The following ECPAS variants were observed in gnomAD, a reference collection of about 807,000 sequenced individuals.
ECPAS encodes proteasome adapter and scaffold protein ECM29.
In ECPAS, 70 loss-of-function variants were observed where a neutral mutation model predicts 255.1. The observed-to-expected ratio is 0.27, with a 90% CI of 0.23 to 0.33. The LOEUF (loss-of-function observed/expected upper bound fraction) is 0.33. ECPAS is among the 10% of genes least tolerant of loss of function. ECPAS has a pLI of 1.00. For synonymous variants in ECPAS, 784 were observed against 775.0 expected, an observed-to-expected ratio of 1.01 and a Z score of -0.19; for missense variants, 1,817 against 2,206.4, an observed-to-expected ratio of 0.82 and a Z score of 3.54.
At chr9:111,484,052 C>G (rs965291659) in intron 1 of ECPAS, 64 bp downstream of exon 1, 6 of 1,104,222 alleles carry the variant, frequency 5.4e-6, no homozygotes, top group Non-Finnish European at 6.6e-6. Flanking sequence ...GCGGGCGGCC[C>G]GGCCTAACCG....
intron 37 of ECPAS, 63 bp downstream of exon 37, chr9:111,376,401 ATAGCCTGAAGAC>A: frequency 8.2e-7 from 1 of 1,218,560 alleles, no homozygotes; most frequent in Non-Finnish European, 1.2e-6. Context: ...TTCATTTAAC[ATAGCCTGAAGAC>A]TTTGAAGAAT....
chr9:111,389,812 A>C, intron 30 of ECPAS, 89 bp from the exon 31 acceptor site: 4 of 1,345,734 alleles, frequency 3.0e-6, no homozygotes, highest in Non-Finnish European at 4.1e-6. Context: ...CTTATGCCTA[A>C]ATACAGCCTG....
At chr9:111,448,083 T>C (rs2098255648) in intron 3 of ECPAS, among the ~76,000 whole-genome samples, 1 of 152,212 alleles carries the variant, frequency 6.6e-6, no homozygotes, top group African/African-American at 2.4e-5. Flanking sequence ...ATGAGTATCC[T>C]AAATACTAAA....
At chr9:111,387,292 T>A (rs2098150755) in intron 31 of ECPAS, among the ~76,000 whole-genome samples, 1 of 151,786 alleles carries the variant, frequency 6.6e-6, no homozygotes, top group Non-Finnish European at 1.5e-5. Context: ...ATCAGTGCAG[T>A]TATTGAGGGA....
At chr9:111,440,266 T>C (rs2098243987) in intron 6 of ECPAS, 106 bp downstream of exon 6, 4 of 955,380 alleles carry the variant, frequency 4.2e-6, no homozygotes, top group Admixed American at 2.8e-5. Flanking sequence ...TAAATGGATG[T>C]TGAGATGCAT....
rs2131511936 is a variant in ECPAS at position 111,372,545 on chromosome 9, T to C, written c.4412A>G (p.His1471Arg). The C allele has an allele frequency of 6.2e-7, 1 of 1,613,874 alleles. No individual in the cohort carries two copies. The highest frequency in any genetic ancestry group is 1.6e-4 in the Middle Eastern group (1 of 6,062). ...GRYSPDVLKN[H>R]AKEVLPLAFL... is the part of the protein sequence containing the mutation. ...TGCCAGAGGCAGGACTTCTTTTGCATGATTCTTTAATACATCAGGGCTGTA... is the reference window on the plus strand; with the variant it reads ...TGCCAGAGGCAGGACTTCTTTTGCACGATTCTTTAATACATCAGGGCTGTA... The change falls in exon 42 of 50, where the codon CAT (histidine) becomes CGT (arginine). Residue 1471 changes from histidine (H) to arginine (R), a missense_variant. This residue lies in a region of ECPAS where 960 missense variants were observed against 1,179.0 expected (regional missense o/e 0.81). Transcript: ENST00000684092.
At chr9:111,379,232 C>T (rs1216346069) in intron 35 of ECPAS, among the ~76,000 whole-genome samples, 1 of 152,172 alleles carries the variant, frequency 6.6e-6, no homozygotes, top group Non-Finnish European at 1.5e-5. Context: ...TAAGATCATA[C>T]AAGAATACCT....
At chr9:111,386,985 GC>G (rs1433691967) in intron 31 of ECPAS, among the ~76,000 whole-genome samples, 15 of 152,238 alleles carry the variant, frequency 9.9e-5, no homozygotes, top group African/African-American at 3.6e-4. Flanking sequence ...TCACTATACT[GC>G]AGACCCTCAA....
chr9:111,368,753 T>C lies in ECPAS; in HGVS notation c.5113+282A>G, dbSNP rs186269567. 5.9e-3 allele frequency among the ~76,000 whole-genome samples: 906 copies of C among 152,280 alleles called. 7 individuals are homozygous for C. The highest frequency in any genetic ancestry group is 0.02 in the African/African-American group (848 of 41,564). On this transcript the variant is annotated intron_variant, in intron 46 of 49. Transcript: ENST00000684092. ...GAAACTAACCCTGCTGACGCCTTGA[T>C]CTCGAAATCTCAGACTTCTATCCTC...
intron 23 of ECPAS, among the ~76,000 whole-genome samples, chr9:111,408,954 G>A (rs2098189566): frequency 1.3e-5 from 2 of 152,238 alleles, no homozygotes; most frequent in South Asian, 4.1e-4. Context: ...TAAAATGTGG[G>A]TTCTGGGCCC....
chr9:111,470,473 G>A (rs1411269762), intron 2 of ECPAS, among the ~76,000 whole-genome samples: 3 of 152,114 alleles, frequency 2.0e-5, no homozygotes, highest in African/African-American at 7.2e-5. Context: ...ACGACACCCA[G>A]CTAACTTTTT....
chr9:111,372,548 T>C lies in ECPAS; in HGVS notation c.4409A>G (p.Asn1470Ser). 6 of 1,613,852 alleles carry C rather than the reference T, an allele frequency of 3.7e-6. No homozygotes were observed. The highest frequency in any genetic ancestry group is 5.1e-6 in the Non-Finnish European group (6 of 1,179,810). ...CAGAGGCAGGACTTCTTTTGCATGA[T>C]TCTTTAATACATCAGGGCTGTATCG... ...IGRYSPDVLK[N>S]HAKEVLPLAF... The change falls in exon 42 of 50, where the codon AAT (asparagine) becomes AGT (serine). Residue 1470 changes from asparagine to serine, a missense_variant. This residue lies in a region of ECPAS where 960 missense variants were observed against 1,179.0 expected (regional missense o/e 0.81). Coordinates refer to ENST00000684092, the MANE Select transcript of ECPAS (RefSeq NM_001364929.1).
chr9:111,474,687 C>T (rs2098294081), intron 1 of ECPAS, among the ~76,000 whole-genome samples: 1 of 152,228 alleles, frequency 6.6e-6, no homozygotes, highest in Non-Finnish European at 1.5e-5. Flanking sequence ...CCTATCTCCA[C>T]AGCATCATCT....
At chr9:111,372,120 G>A (rs1208874396) in intron 42 of ECPAS, among the ~76,000 whole-genome samples, 8 of 152,112 alleles carry the variant, frequency 5.3e-5, no homozygotes, top group Non-Finnish European at 8.8e-5. Flanking sequence ...AATACTCTAA[G>A]GCCACATAAA....
chr9:111,467,190 TAAAA>T (rs551926368), intron 2 of ECPAS, among the ~76,000 whole-genome samples: 1 of 150,570 alleles, frequency 6.6e-6, no homozygotes, highest in African/African-American at 2.4e-5. Flanking sequence ...AAAAGCATGT[TAAAA>T]AAGAGAAGAG....
At chr9:111,456,371 G>T (rs2098266965) in intron 2 of ECPAS, among the ~76,000 whole-genome samples, 1 of 152,192 alleles carries the variant, frequency 6.6e-6, no homozygotes, top group South Asian at 2.1e-4. Flanking sequence ...TTAATTAGCA[G>T]CAGAGTAAGA....
At chr9:111,415,560 G>A (rs2098202068) in intron 18 of ECPAS, among the ~76,000 whole-genome samples, 1 of 151,996 alleles carries the variant, frequency 6.6e-6, no homozygotes, top group South Asian at 2.1e-4. Flanking sequence ...AATTAGCCAG[G>A]GGTGGTGGTG....
chr9:111,454,442 A>C (rs2098264354), intron 2 of ECPAS, among the ~76,000 whole-genome samples: 2 of 152,102 alleles, frequency 1.3e-5, no homozygotes, highest in South Asian at 4.1e-4. Context: ...AGACAGGCAA[A>C]TATAACATCC....
rs781606858 is a variant in ECPAS at position 111,484,183 on chromosome 9, G to A, written c.-150C>T. On this transcript the variant is annotated 5_prime_UTR_variant, in exon 1 of 50. Coordinates refer to ENST00000684092, the MANE Select transcript of ECPAS (RefSeq NM_001364929.1). Reference sequence around the variant, plus strand: ...CGCCGCGAGGTGAGGGCTGTAGAGCGAGGCGTTCGGCGGGCCGGGCCCCGG... The same window carrying A: ...CGCCGCGAGGTGAGGGCTGTAGAGCAAGGCGTTCGGCGGGCCGGGCCCCGG... 2.0e-4 allele frequency: 298 copies of A among 1,484,078 alleles called. No individual in the cohort carries two copies. Among genetic ancestry groups the A allele is most frequent in the Non-Finnish European group, 2.6e-4 (287 of 1,119,730 alleles). 91.9% of individuals were successfully genotyped at this position (1,484,078 alleles called of 1,614,324 possible). A position where few individuals can be genotyped will look rare whatever the true frequency, so the allele number is the denominator to read the frequency against.
Sources: allele counts gnomAD v4.1 joint callset (sites outside exome capture counted in the v4.1 genomes callset), GRCh38; gene constraint gnomAD v4.1.1; regional missense constraint gnomAD v4.1.1; transcripts MANE v1.5; gene names NCBI Gene and HGNC (gene_info 2026-07-23, HGNC 2026-07-21).